ARL5B: variants seen among roughly 807,000 people sequenced by gnomAD.
The protein encoded by ARL5B is ADP-ribosylation factor-like protein 5B.
A neutral mutation model predicts 26.9 loss-of-function variants in ARL5B; 10 were observed. The observed-to-expected ratio is 0.37, with a 90% CI of 0.23 to 0.63. ARL5B has a LOEUF of 0.63. ARL5B is among the 30% of genes least tolerant of loss of function. ARL5B has a pLI of 0.62. For missense variants in ARL5B, 167 were observed against 213.9 expected, an observed-to-expected ratio of 0.78 and a Z score of 1.37; for synonymous variants, 87 against 70.4, an observed-to-expected ratio of 1.24 and a Z score of -1.18.
Position 18,668,655 on chromosome 10 carries a change from A to T in ARL5B, c.233A>T (p.Asn78Ile), listed in dbSNP as rs769934764. 5 of 1,614,114 alleles carry T rather than the reference A, an allele frequency of 3.1e-6. No homozygotes were observed. The South Asian group carries it at 5.5e-5, about 18-fold the overall frequency. ...CAGGAGTCTCTGCGATCATCCTGGAACACATATTACTCAAATACAGAGGTA... is the reference window on the plus strand; with the variant it reads ...CAGGAGTCTCTGCGATCATCCTGGATCACATATTACTCAAATACAGAGGTA... ...GGQESLRSSWNTYYSNTEFII... is the reference protein window; with the variant it reads ...GGQESLRSSWITYYSNTEFII... Residue 78 changes from asparagine (N) to isoleucine (I), a missense_variant, in exon 3 of 6, where the codon AAC becomes ATC. Asn to Ile is a moderately radical substitution (Grantham distance 149). Transcript: ENST00000377275.
chr10:18,675,187 T>C lies in ARL5B; in HGVS notation c.511T>C (p.Trp171Arg). The stretch of plus-strand genomic sequence containing the variant: ...GTTTAGGTTATGCCAAGGTCTAGAG[T>C]GGATGACCTCCCGGATTGGTGTGAG... Reference protein sequence around the residue: ...TGEGLCQGLEWMTSRIGVR With the variant: ...TGEGLCQGLERMTSRIGVR Residue 171 changes from tryptophan to arginine, a missense_variant, in exon 6 of 6, where the codon TGG becomes CGG. Physicochemically the swap from Trp to Arg is moderately radical, Grantham distance 101. Coordinates refer to ENST00000377275, the MANE Select transcript of ARL5B (RefSeq NM_178815.5). 1 of 1,613,522 alleles carries C rather than the reference T, an allele frequency of 6.2e-7. No homozygotes were observed. The highest frequency in any genetic ancestry group is 8.5e-7 in the Non-Finnish European group (1 of 1,179,524).
chr10:18,670,250 ATATAGT>A (rs1324946277), intron 3 of ARL5B, among the ~76,000 whole-genome samples: 2 of 152,210 alleles, frequency 1.3e-5, no homozygotes, highest in Non-Finnish European at 2.9e-5. Context: ...TAAGCAAATA[ATATAGT>A]TAAAGGGTAG....
chr10:18,673,839 G>T, intron 4 of ARL5B, 145 bp from the exon 5 acceptor site: 1 of 580,062 alleles, frequency 1.7e-6, no homozygotes, highest in Non-Finnish European at 2.6e-6. Flanking sequence ...AATGAATAAT[G>T]AAATTACGGG....
rs2059918847 is a variant in ARL5B at position 18,678,359 on chromosome 10, A to G, written c.*3143A>G. On this transcript the variant is annotated 3_prime_UTR_variant, in exon 6 of 6. Transcript: ENST00000377275. The stretch of plus-strand genomic sequence containing the variant: ...GCCATAGTCATTTTGATTAAGCATA[A>G]TTTAACTTTCATTATAGCATAAAGA... 6.6e-6 allele frequency: 1 copy of G among 151,856 alleles called. No homozygotes were observed. The highest frequency in any genetic ancestry group is 1.5e-5 in the Non-Finnish European group (1 of 67,784). The allele number at this position is 151,856 out of a possible 1,614,324, so 9.4% of individuals were successfully genotyped here.
chr10:18,663,800 G>A (rs925997742), intron 1 of ARL5B, among the ~76,000 whole-genome samples: 3 of 150,454 alleles, frequency 2.0e-5, no homozygotes, highest in Middle Eastern at 3.3e-3. Context: ...CTCCCACCTC[G>A]GCCTCCCAAA....
In ARL5B at chr10:18,681,520, A is replaced by G. The variant is rs1173039794; in HGVS notation, c.*6304A>G. On this transcript the variant is annotated 3_prime_UTR_variant, in exon 6 of 6. Coordinates refer to ENST00000377275, the MANE Select transcript of ARL5B (RefSeq NM_178815.5). The stretch of plus-strand genomic sequence containing the variant: ...GTAAAACGATGCTGTTTGCTCTGGA[A>G]TGTTCATCTTTTAGACAGGTTTTGG... 3.3e-5 allele frequency: 5 copies of G among 152,192 alleles called. No individual in the cohort carries two copies. The highest frequency in any genetic ancestry group is 1.2e-4 in the African/African-American group (5 of 41,434). 9.4% of individuals were successfully genotyped at this position (152,192 alleles called of 1,614,324 possible).
chr10:18,673,384 T>C (rs1268324199), intron 4 of ARL5B, among the ~76,000 whole-genome samples: 1 of 152,168 alleles, frequency 6.6e-6, no homozygotes, highest in Non-Finnish European at 1.5e-5. Context: ...TTCAAACTTA[T>C]ACTATATAAT....
intron 1 of ARL5B, among the ~76,000 whole-genome samples, chr10:18,664,820 C>T (rs561674172): frequency 6.6e-6 from 1 of 152,254 alleles, no homozygotes; most frequent in African/African-American, 2.4e-5. Flanking sequence ...GTTTTACCAT[C>T]ACAGGCCTTC....
In ARL5B at chr10:18,673,611, A is replaced by G. The variant is rs187357643; in HGVS notation, c.340-373A>G. On this transcript the variant is annotated intron_variant, in intron 4 of 5. Transcript: ENST00000377275. ...ATTAACCAATGACCTTATGTTATAC[A>G]AAGACTAGTAAGTAATAAGTATTGC... Among the ~76,000 whole-genome samples, 356 of 152,292 alleles carry G rather than the reference A, an allele frequency of 2.3e-3. 5 individuals are homozygous for G. Among genetic ancestry groups the G allele is most frequent in the Non-Finnish European group, 8.5e-4 (58 of 68,026 alleles).
At chr10:18,663,037 T>C (rs756821595) in intron 1 of ARL5B, among the ~76,000 whole-genome samples, 1 of 145,368 alleles carries the variant, frequency 6.9e-6, no homozygotes, top group Non-Finnish European at 1.5e-5. Context: ...ATTATTGTTA[T>C]ATTTTCTGTC....
intron 2 of ARL5B, among the ~76,000 whole-genome samples, 186 bp downstream of exon 2, chr10:18,666,821 CACAA>C (rs762451395): frequency 1.3e-5 from 2 of 152,122 alleles, no homozygotes; most frequent in Non-Finnish European, 2.9e-5. Context: ...CTAAACCCTT[CACAA>C]ACACTTATTG....
chr10:18,675,823 T>A lies in ARL5B; in HGVS notation c.*607T>A, dbSNP rs974583284. The A allele has an allele frequency of 6.6e-6, 1 of 152,106 alleles. No homozygotes were observed. Among genetic ancestry groups the A allele is most frequent in the African/African-American group, 2.4e-5 (1 of 41,442 alleles). 9.4% of individuals were successfully genotyped at this position (152,106 alleles called of 1,614,324 possible). On this transcript the variant is annotated 3_prime_UTR_variant, in exon 6 of 6. Coordinates refer to ENST00000377275, the MANE Select transcript of ARL5B (RefSeq NM_178815.5). ...AGTCATGGAATAATGTTTAAGTTGT[T>A]ATTTGCATGGAAATTAAGTAGGCTG...
In ARL5B at chr10:18,678,292, A is replaced by C. The variant is rs976581376; in HGVS notation, c.*3076A>C. ...TCATTAGAAGAAAGGTAATAAATTT[A>C]AGTTTCATTGCTGAAAAATTTTAAA... On this transcript the variant is annotated 3_prime_UTR_variant, in exon 6 of 6. Transcript: ENST00000377275. 1.3e-5 allele frequency: 2 copies of C among 150,924 alleles called. No individual in the cohort carries two copies. The highest frequency in any genetic ancestry group is 4.9e-5 in the African/African-American group (2 of 41,110). The allele number at this position is 150,924 out of a possible 1,614,324, so 9.3% of individuals were successfully genotyped here. A position where few individuals can be genotyped will look rare whatever the true frequency, so the allele number is the denominator to read the frequency against.
At position 18,659,632 on chromosome 10, in the gene ARL5B, C is replaced by T. The variant is rs1330980617; in HGVS notation, c.-6C>T. ...AGGGACCCCGCGGCCCGCCCCGGTG[C>T]TCGTGATGGGGCTGATCTTCGCCAA... On this transcript the variant is annotated 5_prime_UTR_variant, in exon 1 of 6. Transcript: ENST00000377275. The T allele has an allele frequency of 6.2e-7, 1 of 1,609,250 alleles. No individual in the cohort carries two copies.
chr10:18,672,703 G>A lies in ARL5B; in HGVS notation c.337G>A (p.Glu113Lys). The A allele has an allele frequency of 6.2e-7, 1 of 1,603,824 alleles. No homozygotes were observed. Among genetic ancestry groups the A allele is most frequent in the Non-Finnish European group, 8.5e-7 (1 of 1,173,852 alleles). Residue 113 changes from glutamate to lysine, a missense_variant and splice_region_variant, in exon 4 of 6, where the codon GAG (glutamate) becomes AAG (lysine). Coordinates refer to ENST00000377275, the MANE Select transcript of ARL5B (RefSeq NM_178815.5). ...AGAATTATACAGAATGTTGGCTCAT[G>A]AGGTAAATTTTTAAAGTAAATCTTT... ...KEELYRMLAH[E>K]DLRKAAVLIF...
chr10:18,659,866 G>A (rs2059820250), intron 1 of ARL5B, 183 bp downstream of exon 1: 1 of 985,244 alleles, frequency 1.0e-6, no homozygotes, highest in African/African-American at 1.7e-5. Flanking sequence ...CCTGACGTGT[G>A]GGAGAAATAG....
At chr10:18,672,784 A>T (rs1228703418) in intron 4 of ARL5B, 79 bp downstream of exon 4, 2 of 842,002 alleles carry the variant, frequency 2.4e-6, no homozygotes, top group African/African-American at 1.7e-5. Flanking sequence ...GCAAAGATTA[A>T]TGTGATATGA....
At chr10:18,664,819 T>C (rs2059853860) in intron 1 of ARL5B, among the ~76,000 whole-genome samples, 1 of 152,180 alleles carries the variant, frequency 6.6e-6, no homozygotes, top group South Asian at 2.1e-4. Context: ...AGTTTTACCA[T>C]CACAGGCCTT....
rs188265678 is a variant in ARL5B, at chr10:18,678,382, A to G, written c.*3166A>G. The G allele has an allele frequency of 1.4e-3, 209 of 152,012 alleles. No homozygotes were observed. Among genetic ancestry groups the G allele is most frequent in the African/African-American group, 4.8e-3 (199 of 41,546 alleles). 9.4% of individuals were successfully genotyped at this position (152,012 alleles called of 1,614,324 possible). A position where few individuals can be genotyped will look rare whatever the true frequency, so the allele number is the denominator to read the frequency against. ...TAATTTAACTTTCATTATAGCATAA[A>G]GAGAAAATAATTATTTTAGTATGGA... On this transcript the variant is annotated 3_prime_UTR_variant, in exon 6 of 6. Coordinates refer to ENST00000377275, the MANE Select transcript of ARL5B (RefSeq NM_178815.5).
Sources: gnomAD v4.1 joint callset for allele counts (sites outside exome capture counted in the v4.1 genomes callset) on GRCh38, gnomAD v4.1.1 for gene constraint, MANE v1.5 for transcripts, NCBI Gene and HGNC (gene_info 2026-07-23, HGNC 2026-07-21) for gene names.